NXPH1: variants seen among roughly 807,000 people sequenced by gnomAD.
The protein encoded by NXPH1 is neurexophilin-1.
A neutral mutation model predicts 23.7 loss-of-function variants in NXPH1; 5 were observed. The observed-to-expected ratio is 0.21, with a 90% confidence interval of 0.11 to 0.44. NXPH1 has a LOEUF of 0.44. Ranked by LOEUF, NXPH1 falls within the 20% of genes least tolerant of loss-of-function variation. NXPH1 has a pLI of 0.99. For synonymous variants in NXPH1, 144 were observed against 122.2 expected, an observed-to-expected ratio of 1.18 and a Z score of -1.18; for missense variants, 324 against 321.6, an observed-to-expected ratio of 1.01 and a Z score of -0.06.
At chr7:8,638,424 A>T (rs936170185) in intron 2 of NXPH1, among the ~76,000 whole-genome samples, 1 of 152,210 alleles carries the variant, frequency 6.6e-6, no homozygotes, top group Non-Finnish European at 1.5e-5. Flanking sequence ...TTTGCATATT[A>T]CCACAGCTAG....
chr7:8,667,400 G>A (rs1820789266), intron 2 of NXPH1, among the ~76,000 whole-genome samples: 1 of 150,316 alleles, frequency 6.7e-6, no homozygotes, highest in South Asian at 2.1e-4. Flanking sequence ...GTCTGAAAAA[G>A]GCTTTATCTC....
chr7:8,657,625 A>G (rs1392357826), intron 2 of NXPH1, among the ~76,000 whole-genome samples: 2 of 152,242 alleles, frequency 1.3e-5, no homozygotes, highest in South Asian at 2.1e-4. Context: ...TTCAGGTATG[A>G]TTTATGATGA....
chr7:8,725,067 A>C (rs1040405404), intron 2 of NXPH1, among the ~76,000 whole-genome samples: 10 of 152,230 alleles, frequency 6.6e-5, no homozygotes, highest in African/African-American at 2.4e-4. Flanking sequence ...ACAGAAGGTC[A>C]AGGAATGGAT....
chr7:8,605,120 T>C (rs541156355), intron 2 of NXPH1, among the ~76,000 whole-genome samples: 2 of 152,278 alleles, frequency 1.3e-5, no homozygotes, highest in African/African-American at 4.8e-5. Context: ...TCATTCTTAA[T>C]TACTAGATTC....
Position 8,751,292 on chromosome 7 carries a change from C to G in NXPH1, c.339C>G (p.Gly113=), listed in dbSNP as rs767940519. 1 of 1,613,884 alleles carries G rather than the reference C, an allele frequency of 6.2e-7. No homozygotes were observed. The highest frequency in any genetic ancestry group is 1.7e-5 in the Admixed American group (1 of 59,976). ...AGAGAAGGCCCATTGTTAAAACGGG[C>G]AAGTTTAAGAAAATGTTTGGATGGG... The part of the protein sequence containing the change: ...RAKRRPIVKT[G]KFKKMFGWGD... The change falls in exon 3 of 3, where the codon GGC becomes GGG. Residue 113 remains glycine (G), a synonymous_variant. Transcript: ENST00000405863. The surrounding 1 kb of genome is among the most constrained non-coding windows in gnomAD (Gnocchi z 4.5).
chr7:8,534,424 A>G (rs1189105005), intron 2 of NXPH1, among the ~76,000 whole-genome samples: 1 of 152,168 alleles, frequency 6.6e-6, no homozygotes, highest in Non-Finnish European at 1.5e-5. Flanking sequence ...TAGACTGTGT[A>G]AAAACATCTT....
At chr7:8,600,785 T>A (rs1212049407) in intron 2 of NXPH1, among the ~76,000 whole-genome samples, 3 of 152,178 alleles carry the variant, frequency 2.0e-5, no homozygotes, top group Admixed American at 6.5e-5. Context: ...GGGGACTCCA[T>A]ACAAATGCAA....
At chr7:8,521,201 A>G (rs1227759689) in intron 2 of NXPH1, among the ~76,000 whole-genome samples, 1 of 152,192 alleles carries the variant, frequency 6.6e-6, no homozygotes, top group African/African-American at 2.4e-5. Flanking sequence ...GAGTGCTCAG[A>G]CAAGTTAGAG....
intron 2 of NXPH1, among the ~76,000 whole-genome samples, chr7:8,504,071 A>G (rs963340706): frequency 4.6e-5 from 7 of 152,014 alleles, no homozygotes; most frequent in African/African-American, 1.4e-4. Context: ...GCTTCATTTC[A>G]GGGATGCATT....
intron 2 of NXPH1, among the ~76,000 whole-genome samples, chr7:8,593,046 A>G (rs1819134363): frequency 6.6e-6 from 1 of 151,890 alleles, no homozygotes; most frequent in African/African-American, 2.4e-5. Flanking sequence ...TCCAAGGTCC[A>G]TTTCTTTAAC....
chr7:8,590,995 A>G (rs1383199289), intron 2 of NXPH1, among the ~76,000 whole-genome samples: 1 of 152,086 alleles, frequency 6.6e-6, no homozygotes, highest in Non-Finnish European at 1.5e-5. Flanking sequence ...AGCATGCCAG[A>G]AGCTGGAAAG....
Position 8,751,140 on chromosome 7 carries a change from T to A in NXPH1, c.187T>A (p.Phe63Ile). 6.2e-7 allele frequency: 1 copy of A among 1,613,776 alleles called. No homozygotes were observed. The highest frequency in any genetic ancestry group is 8.5e-7 in the Non-Finnish European group (1 of 1,179,784). ...LSISRLLSQT[F>I]RGKENDTDLD... ...TATCAGCCGACTCCTGTCACAGACTTTTCGTGGCAAAGAGAATGATACAGA... is the reference window on the plus strand; with the variant it reads ...TATCAGCCGACTCCTGTCACAGACTATTCGTGGCAAAGAGAATGATACAGA... Residue 63 changes from phenylalanine (F) to isoleucine (I), a missense_variant, in exon 3 of 3, where the codon TTT (phenylalanine) becomes ATT (isoleucine). Phe to Ile is a conservative substitution (Grantham distance 21). Coordinates refer to ENST00000405863, the MANE Select transcript of NXPH1 (RefSeq NM_152745.3). This position sits in a 1 kb window ranked among gnomAD's most constrained non-coding sequence, Gnocchi z 4.5.
chr7:8,509,822 C>T (rs574560920), intron 2 of NXPH1, among the ~76,000 whole-genome samples: 37 of 152,220 alleles, frequency 2.4e-4, no homozygotes, highest in African/African-American at 8.7e-4. Flanking sequence ...CTCATCAATG[C>T]CTTTGTGTGG....
chr7:8,558,182 TATC>T lies in NXPH1; in HGVS notation c.54+122416_54+122418del, dbSNP rs888071117. Among the ~76,000 whole-genome samples the T allele has an allele frequency of 4.5e-4, 69 of 151,780 alleles. 1 individual carries two copies. Among genetic ancestry groups the T allele is most frequent in the African/African-American group, 1.6e-3 (66 of 41,398 alleles). Reference sequence around the variant, plus strand: ...TTAGGTTTTATATGGGTTTCTTTATTATCTATCAGCTTTCAAGAGTCAAAATTG... The same window carrying T: ...TTAGGTTTTATATGGGTTTCTTTATTTATCAGCTTTCAAGAGTCAAAATTG... On this transcript the variant is annotated intron_variant, in intron 2 of 2. Transcript: ENST00000405863.
chr7:8,453,160 AG>A (rs1336113593), intron 2 of NXPH1, among the ~76,000 whole-genome samples: 1 of 152,140 alleles, frequency 6.6e-6, no homozygotes, highest in African/African-American at 2.4e-5. Context: ...AGAGGGGGAA[AG>A]GGGAGAGAGG....
chr7:8,676,615 G>GGT (rs1820957233), intron 2 of NXPH1, among the ~76,000 whole-genome samples: 1 of 152,140 alleles, frequency 6.6e-6, no homozygotes, highest in Admixed American at 6.6e-5. Flanking sequence ...AGTGATGGCT[G>GGT]GTGACTTAGG....
chr7:8,731,449 G>GT (rs1307595822), intron 2 of NXPH1, among the ~76,000 whole-genome samples: 1 of 152,150 alleles, frequency 6.6e-6, no homozygotes, highest in Non-Finnish European at 1.5e-5. Context: ...TTTCTGCTCT[G>GT]TTTTTTCCCC....
At position 8,442,487 on chromosome 7, in the gene NXPH1, G is replaced by A. The variant is rs1816320225; in HGVS notation, c.54+6720G>A. On this transcript the variant is annotated intron_variant, in intron 2 of 2. Transcript: ENST00000405863. This position sits in a 1 kb window ranked among gnomAD's most constrained non-coding sequence, Gnocchi z 4.6. ...GAGGCCGCGCGTCCTCGCCACACCG[G>A]AAGGAGAGGGCATCCGGCTCACACA... Among the ~76,000 whole-genome samples the A allele has an allele frequency of 6.6e-6, 1 of 152,192 alleles. No homozygotes were observed. Among genetic ancestry groups the A allele is most frequent in the Non-Finnish European group, 1.5e-5 (1 of 68,030 alleles).
At chr7:8,592,438 AGGG>A (rs1203695313) in intron 2 of NXPH1, among the ~76,000 whole-genome samples, 1 of 152,048 alleles carries the variant, frequency 6.6e-6, no homozygotes, top group Non-Finnish European at 1.5e-5. Context: ...GCAGCCACTT[AGGG>A]GTAAGTCATG....
Sources: gnomAD v4.1 joint callset for allele counts (sites outside exome capture counted in the v4.1 genomes callset) on GRCh38, gnomAD v4.1.1 for gene constraint, Gnocchi (gnomAD v3.1) non-coding constraint, MANE v1.5 for transcripts, NCBI Gene and HGNC (gene_info 2026-07-23, HGNC 2026-07-21) for gene names.